DSCAM: variants seen among roughly 807,000 people sequenced by gnomAD.
DSCAM encodes cell adhesion molecule DSCAM.
DSCAM carries 47 observed loss-of-function variants against 217.7 expected under a neutral mutation model. The observed-to-expected ratio is 0.22, with a 90% CI of 0.17 to 0.28. DSCAM has a LOEUF of 0.28. Ranked by LOEUF, DSCAM falls within the 10% of genes least tolerant of loss-of-function variation. The pLI, the probability that DSCAM is intolerant of heterozygous loss-of-function variation, is 1.00. For missense variants in DSCAM, 2,080 were observed against 2,618.3 expected (o/e 0.79, Z 4.49); for synonymous variants, 1,056 against 1,015.3 (o/e 1.04, Z -0.76).
At chr21:40,082,492 C>T (rs553324697) in intron 24 of DSCAM, among the ~76,000 whole-genome samples, 1 of 152,212 alleles carries the variant, frequency 6.6e-6, no homozygotes, top group Admixed American at 6.5e-5. Context: ...AGTCATTAGA[C>T]AGTGATAATT....
At chr21:40,387,974 A>G (rs1461664149) in intron 3 of DSCAM, among the ~76,000 whole-genome samples, 2 of 152,196 alleles carry the variant, frequency 1.3e-5, no homozygotes, top group Admixed American at 1.3e-4. Flanking sequence ...AATATTTCCT[A>G]GAGAGAAAAA....
At chr21:40,755,712 C>G (rs1315546941) in intron 1 of DSCAM, among the ~76,000 whole-genome samples, 1 of 152,032 alleles carries the variant, frequency 6.6e-6, no homozygotes, top group East Asian at 1.9e-4. Flanking sequence ...GTAGGGGATT[C>G]CAAAGTTTAC....
chr21:40,580,293 G>C (rs1452669294), intron 3 of DSCAM, among the ~76,000 whole-genome samples: 1 of 152,038 alleles, frequency 6.6e-6, no homozygotes, highest in Non-Finnish European at 1.5e-5. Context: ...AGCACTTTGG[G>C]AGGCCGAGGT....
At chr21:40,602,037 G>A (rs1346207219) in intron 3 of DSCAM, among the ~76,000 whole-genome samples, 2 of 139,292 alleles carry the variant, frequency 1.4e-5, no homozygotes, top group African/African-American at 5.4e-5. Flanking sequence ...GTTAGCAAAT[G>A]TTCCCTCTGC....
At chr21:40,319,165 T>A (rs2123514184) in intron 8 of DSCAM, among the ~76,000 whole-genome samples, 1 of 152,216 alleles carries the variant, frequency 6.6e-6, no homozygotes, top group East Asian at 1.9e-4. Context: ...GTTTTGAGTA[T>A]ATTTTGATAA....
intron 1 of DSCAM, among the ~76,000 whole-genome samples, chr21:40,780,413 G>GTATA (rs1196794146): frequency 2.2e-5 from 1 of 45,114 alleles, no homozygotes; most frequent in Non-Finnish European, 3.7e-5. Context: ...GTGTGTGTGT[G>GTATA]TGTGTGTGTG....
chr21:40,013,882 G>A (rs949665402), intron 32 of DSCAM, among the ~76,000 whole-genome samples: 5 of 152,308 alleles, frequency 3.3e-5, no homozygotes, highest in African/African-American at 1.2e-4. Flanking sequence ...TTAGTTATGG[G>A]TCTTCATGAT....
chr21:40,187,887 C>T lies in DSCAM; in HGVS notation c.2650+4G>A, dbSNP rs2090912383. The stretch of plus-strand genomic sequence containing the variant: ...TTTATTCTCTTACGCTATCGTCTTC[C>T]TACCTTGCACTGTGAGCTGAATTAT... On this transcript the variant is annotated splice_donor_region_variant and intron_variant, in intron 13 of 32. Transcript: ENST00000400454. 1 of 1,611,128 alleles carries T rather than the reference C, an allele frequency of 6.2e-7. No homozygotes were observed. Among genetic ancestry groups the T allele is most frequent in the Non-Finnish European group, 8.5e-7 (1 of 1,177,266 alleles).
At chr21:40,469,314 G>T (rs1202219831) in intron 3 of DSCAM, among the ~76,000 whole-genome samples, 1 of 152,090 alleles carries the variant, frequency 6.6e-6, no homozygotes, top group Admixed American at 6.6e-5. Flanking sequence ...CCGCTGAAAG[G>T]AGGGAGAAAA....
chr21:40,141,996 A>ACACACACACACACACC (rs1475966680), intron 18 of DSCAM, among the ~76,000 whole-genome samples: 1 of 152,034 alleles, frequency 6.6e-6, no homozygotes, highest in Non-Finnish European at 1.5e-5. Flanking sequence ...ACACACACAC[A>ACACACACACACACACC]CACGATAAAG....
intron 3 of DSCAM, among the ~76,000 whole-genome samples, chr21:40,575,739 T>C (rs2076845047): frequency 6.6e-6 from 1 of 151,870 alleles, no homozygotes; most frequent in African/African-American, 2.4e-5. Flanking sequence ...AAACAAAATA[T>C]TATACTTGAC....
At chr21:40,117,395 G>A (rs1386070385) in intron 20 of DSCAM, among the ~76,000 whole-genome samples, 1 of 152,152 alleles carries the variant, frequency 6.6e-6, no homozygotes, top group Non-Finnish European at 1.5e-5. Context: ...GGATCCCAGG[G>A]AAGGCAGGTA....
rs1342175417 is a variant in DSCAM at position 40,282,588 on chromosome 21, C to T, written c.2183-6318G>A. Among the ~76,000 whole-genome samples, 6 of 52,306 alleles carry T rather than the reference C, an allele frequency of 1.1e-4. No individual in the cohort carries two copies. The South Asian group carries it at 3.4e-3, about 30-fold the overall frequency. 34.3% of individuals were successfully genotyped at this position (52,306 alleles called of 152,430 possible). On this transcript the variant is annotated intron_variant, in intron 10 of 32. Coordinates refer to ENST00000400454, the MANE Select transcript of DSCAM (RefSeq NM_001389.5). ...CCTGGGCGAAAGAGCGAGACTCTGT[C>T]TCAAAAAAAAAAAAAAAAAAAAAAA... is the stretch of plus-strand genomic sequence containing the variant.
intron 1 of DSCAM, among the ~76,000 whole-genome samples, chr21:40,830,274 T>C (rs1365532783): frequency 6.6e-6 from 1 of 151,574 alleles, no homozygotes; most frequent in Non-Finnish European, 1.5e-5. Flanking sequence ...AGACAGGGAG[T>C]AGGTGGGGGA....
At chr21:40,033,005 G>C (rs2146452404) in intron 32 of DSCAM, among the ~76,000 whole-genome samples, 1 of 152,262 alleles carries the variant, frequency 6.6e-6, no homozygotes, top group South Asian at 2.1e-4. Flanking sequence ...AAACTGCTTT[G>C]GAATATCTGG....
chr21:40,263,150 G>A (rs898795320), intron 11 of DSCAM, among the ~76,000 whole-genome samples: 2 of 152,118 alleles, frequency 1.3e-5, no homozygotes, highest in African/African-American at 4.8e-5. Context: ...TCTTCGTTAA[G>A]GAATCTACCA....
intron 3 of DSCAM, among the ~76,000 whole-genome samples, chr21:40,424,289 T>C (rs2075451737): frequency 6.6e-6 from 1 of 152,178 alleles, no homozygotes; most frequent in South Asian, 2.1e-4. Context: ...TTTATAGTGA[T>C]AATCAAATTT....
At chr21:40,135,350 C>A (rs1057359411) in intron 18 of DSCAM, among the ~76,000 whole-genome samples, 1 of 152,226 alleles carries the variant, frequency 6.6e-6, no homozygotes, top group Non-Finnish European at 1.5e-5. Flanking sequence ...TGCCTAGGTG[C>A]CAGCGCTATG....
rs147422153 is a variant in DSCAM, at chr21:40,804,649, A to C, written c.43+41970T>G. On this transcript the variant is annotated intron_variant, in intron 1 of 32. Transcript: ENST00000400454. ...CTGCCCACTTGGTTTTCGACTACTT[A>C]TCTGTTCCTTCTCAGTCTTCTTTAC... Among the ~76,000 whole-genome samples, 539 of 152,104 alleles carry C rather than the reference A, an allele frequency of 3.5e-3. 3 individuals are homozygous for C. Among genetic ancestry groups the C allele is most frequent in the African/African-American group, 0.012 (511 of 41,472 alleles).
Sources: allele counts gnomAD v4.1 joint callset (sites outside exome capture counted in the v4.1 genomes callset), GRCh38; gene constraint gnomAD v4.1.1; transcripts MANE v1.5; gene names NCBI Gene and HGNC (gene_info 2026-07-23, HGNC 2026-07-21).